SPAG16: variants seen among roughly 807,000 people sequenced by gnomAD.
The protein encoded by SPAG16 is sperm-associated antigen 16 protein.
SPAG16 carries 86 observed loss-of-function variants against 80.4 expected under a neutral mutation model. That is an observed-to-expected ratio of 1.07 (90% CI 0.90 to 1.28). The LOEUF (loss-of-function observed/expected upper bound fraction) is 1.28. Among genes scored for constraint, SPAG16 ranks in the 50% most tolerant of loss-of-function variants. The pLI, the probability that SPAG16 is intolerant of heterozygous loss-of-function variation, is 0.00. For synonymous variants in SPAG16, 294 were observed against 265.9 expected (o/e 1.11, Z -1.03); for missense variants, 870 against 765.3 (o/e 1.14, Z -1.61).
chr2:213,393,448 T>C (rs945987892), intron 9 of SPAG16, among the ~76,000 whole-genome samples: 2 of 151,936 alleles, frequency 1.3e-5, no homozygotes, highest in African/African-American at 4.8e-5. Context: ...CAACTTGCTT[T>C]TTTGATTCGA....
intron 10 of SPAG16, among the ~76,000 whole-genome samples, chr2:213,702,462 C>T (rs2125329781): frequency 6.6e-6 from 1 of 152,254 alleles, no homozygotes; most frequent in African/African-American, 2.4e-5. Flanking sequence ...CCAGTGAGAC[C>T]ACGAACTCAC....
At chr2:214,208,912 C>T (rs1046229606) in intron 15 of SPAG16, among the ~76,000 whole-genome samples, 3 of 152,124 alleles carry the variant, frequency 2.0e-5, no homozygotes, top group African/African-American at 7.2e-5. Flanking sequence ...TTGCATGGCA[C>T]ATAGTAAACT....
intron 12 of SPAG16, among the ~76,000 whole-genome samples, chr2:213,989,245 A>T (rs1051899578): frequency 2.0e-5 from 3 of 152,164 alleles, no homozygotes; most frequent in Non-Finnish European, 2.9e-5. Context: ...AGAACACAGT[A>T]TCCATCTTTC....
intron 10 of SPAG16, among the ~76,000 whole-genome samples, chr2:213,591,965 AG>A (rs2124925918): frequency 6.6e-6 from 1 of 152,368 alleles, no homozygotes; most frequent in Admixed American, 6.5e-5. Context: ...CAAAAGTCAA[AG>A]CCTGGTTGAG....
chr2:214,335,544 GTGACGATGCTGATGTGC>G (rs1231557819), intron 15 of SPAG16, among the ~76,000 whole-genome samples: 20 of 151,520 alleles, frequency 1.3e-4, no homozygotes, highest in Middle Eastern at 3.4e-3. Flanking sequence ...GATTATTTTA[GTGACGATGCTGATGTGC>G]TGACGATGCT....
Position 214,410,205 on chromosome 2 carries a change from A to G in SPAG16, c.1786A>G (p.Ile596Val). ...TTTGCTAGATCTTAAATCTGGGGAG[A>G]TTCACAAATTGATGGGCCACGAAAA... The part of the protein sequence containing the change: ...IHLLDLKSGE[I>V]HKLMGHENEA... Residue 596 changes from isoleucine (I) to valine (V), a missense_variant, in exon 16 of 16, where the codon ATT (isoleucine) becomes GTT (valine). Ile to Val is a conservative substitution (Grantham distance 29). Transcript: ENST00000331683. 1 of 1,613,618 alleles carries G rather than the reference A, an allele frequency of 6.2e-7. No homozygotes were observed. The highest frequency in any genetic ancestry group is 8.5e-7 in the Non-Finnish European group (1 of 1,179,602).
At chr2:214,255,244 G>A (rs1191673979) in intron 15 of SPAG16, among the ~76,000 whole-genome samples, 1 of 151,854 alleles carries the variant, frequency 6.6e-6, no homozygotes, top group Non-Finnish European at 1.5e-5. Context: ...GGTATAACTG[G>A]GTCTTTCCTT....
intron 10 of SPAG16, among the ~76,000 whole-genome samples, chr2:213,788,686 A>G (rs542647363): frequency 1.3e-5 from 2 of 152,058 alleles, no homozygotes; most frequent in South Asian, 2.1e-4. Context: ...GACCTTTGGT[A>G]TAGGCTGACT....
chr2:213,730,181 C>G (rs1156275089), intron 10 of SPAG16, among the ~76,000 whole-genome samples: 1 of 152,144 alleles, frequency 6.6e-6, no homozygotes, highest in Non-Finnish European at 1.5e-5. Flanking sequence ...AATCCCATTT[C>G]TAATATAAAA....
chr2:213,595,588 C>T (rs2060858797), intron 10 of SPAG16, among the ~76,000 whole-genome samples: 1 of 151,970 alleles, frequency 6.6e-6, no homozygotes, highest in African/African-American at 2.4e-5. Context: ...ATTTCTGTTA[C>T]AAAACATAAA....
At chr2:213,831,334 G>A (rs980130478) in intron 10 of SPAG16, among the ~76,000 whole-genome samples, 3 of 151,596 alleles carry the variant, frequency 2.0e-5, no homozygotes, top group Non-Finnish European at 2.9e-5. Flanking sequence ...CACCACACCC[G>A]GCTGAACCAT....
chr2:213,583,833 T>G (rs1427091864), intron 10 of SPAG16, among the ~76,000 whole-genome samples: 1 of 152,234 alleles, frequency 6.6e-6, no homozygotes, highest in African/African-American at 2.4e-5. Flanking sequence ...ATTTCTATGA[T>G]TTCTTTTAAA....
chr2:214,229,169 A>G lies in SPAG16; in HGVS notation c.1720+79903A>G, dbSNP rs1483178520. ...ACGAGAAGCAGGAAAAAAAAAAAGGATAATTTCACTATAGAAGAAAGTATA... is the reference window on the plus strand; with the variant it reads ...ACGAGAAGCAGGAAAAAAAAAAAGGGTAATTTCACTATAGAAGAAAGTATA... On this transcript the variant is annotated intron_variant, in intron 15 of 15. Coordinates refer to ENST00000331683, the MANE Select transcript of SPAG16 (RefSeq NM_024532.5). Among the ~76,000 whole-genome samples the G allele has an allele frequency of 2.0e-5, 3 of 148,886 alleles. No homozygotes were observed. The East Asian group carries it at 5.9e-4, about 29-fold the overall frequency.
intron 10 of SPAG16, among the ~76,000 whole-genome samples, chr2:213,524,899 G>C (rs1036820512): frequency 6.6e-6 from 1 of 152,178 alleles, no homozygotes; most frequent in East Asian, 1.9e-4. Context: ...GGGACTGTTG[G>C]AGGGGCATGA....
intron 10 of SPAG16, among the ~76,000 whole-genome samples, chr2:213,844,951 G>A (rs2074539767): frequency 6.6e-6 from 1 of 152,168 alleles, no homozygotes; most frequent in Non-Finnish European, 1.5e-5. Context: ...CTAAGTGGCA[G>A]TGAAGAGTGA....
intron 10 of SPAG16, among the ~76,000 whole-genome samples, chr2:213,818,627 CA>C (rs139321730): frequency 0.099 from 15,061 of 152,224 alleles, 1,052 homozygotes; most frequent in Non-Finnish European, 0.15. Context: ...CCCTTTCCTA[CA>C]AAGGCATGCA....
chr2:213,938,648 A>G (rs2079081868), intron 12 of SPAG16, among the ~76,000 whole-genome samples: 1 of 151,980 alleles, frequency 6.6e-6, no homozygotes, highest in South Asian at 2.1e-4. Context: ...TTATTAAAAT[A>G]ATTTTAATTT....
At chr2:213,546,822 G>A (rs546705972) in intron 10 of SPAG16, among the ~76,000 whole-genome samples, 31 of 152,204 alleles carry the variant, frequency 2.0e-4, no homozygotes, top group South Asian at 8.3e-4. Context: ...TATAATCACC[G>A]TACAAGAAGT....
chr2:214,336,157 A>G (rs1013072996), intron 15 of SPAG16, among the ~76,000 whole-genome samples: 2 of 152,232 alleles, frequency 1.3e-5, no homozygotes, highest in Non-Finnish European at 2.9e-5. Flanking sequence ...AAGGAAGACA[A>G]TATTAAAAGT....
Sources: gnomAD v4.1 joint callset for allele counts (sites outside exome capture counted in the v4.1 genomes callset) on GRCh38, gnomAD v4.1.1 for gene constraint, MANE v1.5 for transcripts, NCBI Gene and HGNC (gene_info 2026-07-23, HGNC 2026-07-21) for gene names.